Variants in GSE1 observed in about 807,000 individuals in gnomAD.
GSE1 encodes genetic suppressor element 1.
A neutral mutation model predicts 112.6 loss-of-function variants in GSE1; 32 were observed. That is an observed-to-expected ratio of 0.28 (90% CI 0.21 to 0.38). GSE1 has a LOEUF of 0.38. Ranked by LOEUF, GSE1 falls within the 10% of genes least tolerant of loss-of-function variation. The pLI, the probability that GSE1 is intolerant of heterozygous loss-of-function variation, is 1.00. For missense variants in GSE1, 2,348 were observed against 1,699.2 expected (o/e 1.38, Z -6.71); for synonymous variants, 1,115 against 735.6 (o/e 1.52, Z -8.35).
At chr16:85,555,715 C>A, upstream of GSE1, 1 of 915,910 alleles carries the variant, frequency 1.1e-6, no homozygotes, top group South Asian at 5.1e-5. Flanking sequence ...GAACGTGAAA[C>A]CCTGTTGGAA....
Position 85,668,358 on chromosome 16 carries a change from G to A in GSE1, c.3349G>A (p.Glu1117Lys), listed in dbSNP as rs2053054037. 1 of 1,612,264 alleles carries A rather than the reference G, an allele frequency of 6.2e-7. No individual in the cohort carries two copies. Among genetic ancestry groups the A allele is most frequent in the Non-Finnish European group, 8.5e-7 (1 of 1,178,668 alleles). The change falls in exon 14 of 16, where the codon GAA becomes AAA. Residue 1117 changes from glutamate (E) to lysine (K), a missense_variant. Coordinates refer to ENST00000253458, the MANE Select transcript of GSE1 (RefSeq NM_014615.5). ...EDDEDGEDEE[E>K]VPKRKWQGIE... ...TGATGAAGATGGAGAAGATGAGGAG[G>A]AAGTCCCCAAGCGCAAGTGGCAAGG...
chr16:85,360,900 C>T (rs898574115), intron 2 of GSE1, among the ~76,000 whole-genome samples: 1 of 151,894 alleles, frequency 6.6e-6, no homozygotes, highest in Admixed American at 6.6e-5. Flanking sequence ...ACGATATGCA[C>T]GTGGATACAC....
chr16:85,248,226 T>C (rs1175294586), intron 1 of GSE1, among the ~76,000 whole-genome samples: 3 of 152,162 alleles, frequency 2.0e-5, no homozygotes, highest in Admixed American at 6.5e-5. Context: ...CACAGCTGCC[T>C]ACTCCGCCTC....
At chr16:85,468,086 A>G (rs1169705455) in intron 2 of GSE1, among the ~76,000 whole-genome samples, 1 of 152,158 alleles carries the variant, frequency 6.6e-6, no homozygotes, top group East Asian at 1.9e-4. Context: ...CAAGAGCCAC[A>G]GCCCACCTCA....
At position 85,399,307 on chromosome 16, in the gene GSE1, C is replaced by A. The variant is rs770087581; in HGVS notation, c.2464+41664C>A. 1.1e-4 allele frequency among the ~76,000 whole-genome samples: 17 copies of A among 152,320 alleles called. 1 individual carries two copies. Among genetic ancestry groups the A allele is most frequent in the Admixed American group, 4.6e-4 (7 of 15,300 alleles). On this transcript the variant is annotated intron_variant, in intron 2 of 2. Coordinates refer to the GSE1 transcript ENST00000637419. Reference sequence around the variant, plus strand: ...CCCCCAGCACAGAGTCCTCTCAGGCCGCCCCGAGTGGGGCCCTCTGCACGT... The same window carrying A: ...CCCCCAGCACAGAGTCCTCTCAGGCAGCCCCGAGTGGGGCCCTCTGCACGT...
chr16:85,654,429 A>G lies in GSE1; in HGVS notation c.578A>G (p.Asp193Gly), dbSNP rs770885845. 1.3e-6 allele frequency: 2 copies of G among 1,568,602 alleles called. No individual in the cohort carries two copies. Among genetic ancestry groups the G allele is most frequent in the Non-Finnish European group, 1.7e-6 (2 of 1,155,972 alleles). ...FGLSPSSVVQ[D>G]SRFPPLNLQR... is the part of the protein sequence containing the mutation. ...CTCTCCCCCAGCTCAGTTGTGCAGG[A>G]TTCCCGCTTCCCGCCACTCAAGTAA... is the stretch of plus-strand genomic sequence containing the variant. Residue 193 changes from aspartate (D) to glycine (G), a missense_variant, in exon 4 of 16, where the codon GAT becomes GGT. Transcript: ENST00000253458.
At chr16:85,642,665 G>C (rs1187806574) in intron 2 of GSE1, among the ~76,000 whole-genome samples, 1 of 152,256 alleles carries the variant, frequency 6.6e-6, no homozygotes, top group Non-Finnish European at 1.5e-5. Flanking sequence ...AGACGTTCCA[G>C]GGACCCTCTT....
At chr16:85,591,647 G>T (rs2047007432) in intron 1 of GSE1, among the ~76,000 whole-genome samples, 1 of 152,228 alleles carries the variant, frequency 6.6e-6, no homozygotes, top group African/African-American at 2.4e-5. Context: ...GGGGGCTCCT[G>T]GCTGCAGGCA....
At position 85,384,294 on chromosome 16, in the gene GSE1, C is replaced by T. The variant is rs1294651738; in HGVS notation, c.2464+26651C>T. ...TGTGTGGGTGCGGCCGGGTGGCGAG[C>T]GGCCCATCCTGGGAGGGCTGGAGAA... On this transcript the variant is annotated intron_variant, in intron 2 of 2. Transcript: ENST00000637419. 3.3e-5 allele frequency among the ~76,000 whole-genome samples: 5 copies of T among 152,296 alleles called. No individual in the cohort carries two copies. The South Asian group carries it at 6.2e-4, about 19-fold the overall frequency.
At chr16:85,280,374 A>AC (rs2044821808) in intron 1 of GSE1, among the ~76,000 whole-genome samples, 2 of 152,028 alleles carry the variant, frequency 1.3e-5, no homozygotes, top group African/African-American at 4.8e-5. Flanking sequence ...GGGCTGTCCC[A>AC]CTGGGTCATA....
intron 1 of GSE1, among the ~76,000 whole-genome samples, chr16:85,254,767 C>T (rs1906882622): frequency 6.6e-6 from 1 of 152,336 alleles, no homozygotes; most frequent in African/African-American, 2.4e-5. Flanking sequence ...AAGGGAAGGA[C>T]GCAGGCAGAG....
At chr16:85,361,248 A>T (rs546832756) in intron 2 of GSE1, among the ~76,000 whole-genome samples, 9 of 129,708 alleles carry the variant, frequency 6.9e-5, no homozygotes, top group Non-Finnish European at 1.3e-4. Flanking sequence ...ATAGACAGGC[A>T]CAGACCCCCC....
chr16:85,556,902 AG>A (rs1280034007), intron 1 of GSE1, among the ~76,000 whole-genome samples: 1 of 150,828 alleles, frequency 6.6e-6, no homozygotes, highest in African/African-American at 2.4e-5. Context: ...AGGTCGGAGG[AG>A]GGGGCCGGGG....
At chr16:85,193,568 T>C (rs550623930) in intron 1 of GSE1, among the ~76,000 whole-genome samples, 2 of 152,310 alleles carry the variant, frequency 1.3e-5, no homozygotes, top group East Asian at 3.9e-4. Context: ...CAAGCGATTC[T>C]CCTGCCTCAG....
intron 2 of GSE1, among the ~76,000 whole-genome samples, chr16:85,374,049 CAT>C (rs1267812279): frequency 1.3e-5 from 2 of 152,142 alleles, no homozygotes; most frequent in East Asian, 1.9e-4. Flanking sequence ...TCTGTGTGCA[CAT>C]GTGGTTCTCA....
chr16:85,500,972 C>T (rs982850085), intron 2 of GSE1, among the ~76,000 whole-genome samples: 2 of 150,288 alleles, frequency 1.3e-5, no homozygotes, highest in African/African-American at 5.0e-5. Context: ...ATTAAAGGCC[C>T]ACCCTACTCC....
chr16:85,362,792 C>T (rs548658178), intron 2 of GSE1, among the ~76,000 whole-genome samples: 4 of 151,398 alleles, frequency 2.6e-5, no homozygotes, highest in Admixed American at 1.3e-4. Context: ...GGGTATCCTT[C>T]CTGAGCTGTG....
chr16:85,353,990 C>T (rs551370877), intron 1 of GSE1, among the ~76,000 whole-genome samples: 20 of 152,346 alleles, frequency 1.3e-4, no homozygotes, highest in South Asian at 1.0e-3. Context: ...CTGCCTCTGG[C>T]GCCTTGTGCA....
At chr16:85,654,513 G>A in intron 4 of GSE1, 63 bp downstream of exon 4, 2 of 1,404,226 alleles carry the variant, frequency 1.4e-6, no homozygotes, top group Non-Finnish European at 9.8e-7. Context: ...TCAGGGTCTG[G>A]GTCCCCAGGC....
Sources: allele counts gnomAD v4.1 joint callset (sites outside exome capture counted in the v4.1 genomes callset), GRCh38; gene constraint gnomAD v4.1.1; transcripts MANE v1.5; gene names NCBI Gene and HGNC (gene_info 2026-07-23, HGNC 2026-07-21).